Variants in RTTN observed in about 807,000 individuals in gnomAD.
RTTN encodes the protein rotatin.
A neutral mutation model predicts 269.2 loss-of-function variants in RTTN; 182 were observed. The observed-to-expected ratio is 0.68, with a 90% CI of 0.60 to 0.76. The LOEUF is 0.76. Ranked by LOEUF, RTTN falls within the 30% of genes least tolerant of loss-of-function variation. The pLI is 0.00. For synonymous variants in RTTN, 1,006 were observed against 963.5 expected (o/e 1.04, Z -0.82); for missense variants, 2,545 against 2,608.6 (o/e 0.98, Z 0.53).
At chr18:70,007,082 T>C (rs1021236095) in intron 46 of RTTN, 1 of 152,322 alleles carries the variant, frequency 6.6e-6, no homozygotes, top group Admixed American at 6.5e-5. Flanking sequence ...TGGAGCTGGT[T>C]AGACAACGGG....
intron 33 of RTTN, 95 bp downstream of exon 33, chr18:70,075,257 T>C (rs569688266): frequency 1.1e-6 from 1 of 870,096 alleles, no homozygotes; most frequent in Non-Finnish European, 1.7e-6. Context: ...CTGTATACTT[T>C]CATTTTTCAA....
At chr18:70,006,662 A>G in intron 46 of RTTN, 178 bp from the exon 47 acceptor site, 1 of 578,798 alleles carries the variant, frequency 1.7e-6, no homozygotes. Context: ...GACAACCTCA[A>G]AACATTGTTT....
intron 28 of RTTN, among the ~76,000 whole-genome samples, chr18:70,107,794 T>C (rs568706828): frequency 7.7e-4 from 118 of 152,334 alleles, no homozygotes; most frequent in Admixed American, 2.1e-3. Context: ...GAATAATTAA[T>C]GTCTGCAATG....
intron 48 of RTTN, 73 bp from the exon 49 acceptor site, chr18:70,004,309 TAAAC>T (rs1401537050): frequency 7.4e-6 from 7 of 944,632 alleles, no homozygotes; most frequent in Admixed American, 3.6e-5. Flanking sequence ...GGCACACACA[TAAAC>T]AAATACATAT....
At chr18:70,190,291 T>A (rs972345634) in intron 9 of RTTN, among the ~76,000 whole-genome samples, 36 of 144,994 alleles carry the variant, frequency 2.5e-4, no homozygotes, top group African/African-American at 8.9e-4. Context: ...AAAAAAAAAA[T>A]AAGCATGAAA....
chr18:70,015,082 CTT>C (rs879573880), intron 46 of RTTN, among the ~76,000 whole-genome samples: 5 of 143,814 alleles, frequency 3.5e-5, no homozygotes, highest in Non-Finnish European at 4.6e-5. Context: ...TGTTCCAGAT[CTT>C]TTTTTTTTTT....
intron 27 of RTTN, 39 bp downstream of exon 27, chr18:70,114,406 A>G: frequency 6.3e-7 from 1 of 1,582,156 alleles, no homozygotes; most frequent in Non-Finnish European, 8.6e-7. Context: ...CTTGGGTTCT[A>G]TATAAATGCA....
intron 23 of RTTN, 66 bp downstream of exon 23, chr18:70,134,407 A>G: frequency 8.3e-7 from 1 of 1,205,874 alleles, no homozygotes; most frequent in Non-Finnish European, 1.2e-6. Flanking sequence ...CAAATTATAG[A>G]TTTTGATTTC....
At chr18:70,202,096 TAAAAAA>T (rs540353151) in intron 3 of RTTN, 113 bp from the exon 4 acceptor site, 2 of 605,118 alleles carry the variant, frequency 3.3e-6, no homozygotes, top group African/African-American at 3.9e-5. Flanking sequence ...TTTTAAAAAT[TAAAAAA>T]AAGTCCAGTT....
chr18:70,030,755 G>A, intron 41 of RTTN, 121 bp downstream of exon 41: 1 of 604,416 alleles, frequency 1.7e-6, no homozygotes, highest in Non-Finnish European at 2.7e-6. Flanking sequence ...TATTTTTAGT[G>A]ACACTGAGAT....
In RTTN at chr18:70,070,204, C is replaced by T. The variant is rs995190403; in HGVS notation, c.4653+3702G>A. Among the ~76,000 whole-genome samples, 46 of 152,382 alleles carry T rather than the reference C, an allele frequency of 3.0e-4. 2 individuals carry two copies. The highest frequency in any genetic ancestry group is 1.3e-4 in the Non-Finnish European group (9 of 68,034). On this transcript the variant is annotated intron_variant, in intron 34 of 48. Coordinates refer to ENST00000640769, the MANE Select transcript of RTTN (RefSeq NM_173630.4). Reference sequence around the variant, plus strand: ...CACAACACAGTCACAGTTCCTGTGCCATCCTGTGTGTAATCTAAGAGCACA... The same window carrying T: ...CACAACACAGTCACAGTTCCTGTGCTATCCTGTGTGTAATCTAAGAGCACA...
intron 26 of RTTN, 76 bp downstream of exon 26, chr18:70,121,480 C>T: frequency 8.2e-7 from 1 of 1,224,686 alleles, no homozygotes; most frequent in Non-Finnish European, 1.1e-6. Context: ...TATCCTTTTC[C>T]ATAATATAAT....
At chr18:70,009,263 G>C (rs1178937586) in intron 46 of RTTN, among the ~76,000 whole-genome samples, 5 of 152,054 alleles carry the variant, frequency 3.3e-5, no homozygotes, top group African/African-American at 1.2e-4. Context: ...GGCCTCCTGA[G>C]TAGCTGGGAC....
rs1373716701 is a variant in RTTN at position 70,124,233 on chromosome 18, CA to C, written c.3384-2534del. Among the ~76,000 whole-genome samples, 7 of 151,998 alleles carry C rather than the reference CA, an allele frequency of 4.6e-5. No homozygotes were observed. The East Asian group carries it at 1.4e-3, about 29-fold the overall frequency. On this transcript the variant is annotated intron_variant, in intron 25 of 48. Coordinates refer to ENST00000640769, the MANE Select transcript of RTTN (RefSeq NM_173630.4). ...AATGATCAGGTACAGTCTAAAAGAA[CA>C]AAAAACTTACGAATAATCACAGCGC... is the stretch of plus-strand genomic sequence containing the variant.
rs761032318 is a variant in RTTN at position 70,073,898 on chromosome 18, G to C, written c.4653+8C>G. On this transcript the variant is annotated splice_region_variant and intron_variant, in intron 34 of 48. Transcript: ENST00000640769. ...AAAATAAAGGACTTATGCATTCTTT[G>C]CAAGTACCGTTGTTTCTGAGGTGGA... is the stretch of plus-strand genomic sequence containing the variant. 4 of 1,598,392 alleles carry C rather than the reference G, an allele frequency of 2.5e-6. No homozygotes were observed. The highest frequency in any genetic ancestry group is 2.2e-5 in the South Asian group (2 of 90,674).
At chr18:70,123,340 G>T (rs1261816777) in intron 25 of RTTN, among the ~76,000 whole-genome samples, 1 of 144,684 alleles carries the variant, frequency 6.9e-6, no homozygotes, top group African/African-American at 2.9e-5. Flanking sequence ...TTTCTCTGTG[G>T]TGAGAACATT....
intron 10 of RTTN, among the ~76,000 whole-genome samples, chr18:70,184,698 A>G (rs2061493416): frequency 1.2e-4 from 7 of 56,136 alleles, no homozygotes; most frequent in South Asian, 7.4e-4. Context: ...TCAAAACCAC[A>G]GCAGGTTTTT....
chr18:70,031,175 T>C lies in RTTN; in HGVS notation c.5542-194A>G, dbSNP rs545538386. 10 of 549,178 alleles carry C rather than the reference T, an allele frequency of 1.8e-5. No homozygotes were observed. The South Asian group carries it at 2.7e-4, about 15-fold the overall frequency. The allele number at this position is 549,178 out of a possible 1,614,324, so 34.0% of individuals were successfully genotyped here. A position where few individuals can be genotyped will look rare whatever the true frequency, so the allele number is the denominator to read the frequency against. ...AAGACTGTATAAGTTGCTTATAATA[T>C]GGAAAAGAACAACAATCATTCTTAA... On this transcript the variant is annotated intron_variant, in intron 40 of 48. Transcript: ENST00000640769.
intron 28 of RTTN, among the ~76,000 whole-genome samples, chr18:70,096,870 T>C (rs1468399786): frequency 6.6e-6 from 1 of 152,146 alleles, no homozygotes; most frequent in Non-Finnish European, 1.5e-5. Flanking sequence ...GGCAAGAATA[T>C]TTAAGTTTGC....
Sources: allele counts gnomAD v4.1 joint callset (sites outside exome capture counted in the v4.1 genomes callset), GRCh38; gene constraint gnomAD v4.1.1; transcripts MANE v1.5; gene names NCBI Gene and HGNC (gene_info 2026-07-23, HGNC 2026-07-21).